The following CSNK2A2 variants were observed in gnomAD, a reference collection of about 807,000 sequenced individuals.
CSNK2A2 encodes casein kinase II subunit alpha'.
CSNK2A2 carries 8 observed loss-of-function variants against 54.0 expected under a neutral mutation model. That is an observed-to-expected ratio of 0.15 (90% CI 0.09 to 0.27). The LOEUF (loss-of-function observed/expected upper bound fraction) is 0.27, where lower values mean the gene tolerates loss of function less well. Among genes scored for constraint, CSNK2A2 ranks in the 10% least tolerant of loss-of-function variants. The probability of loss-of-function intolerance (pLI) is 1.00; values close to 1 mark genes in which losing one functional copy is unlikely to be tolerated. For synonymous variants in CSNK2A2, 141 were observed against 153.9 expected (o/e 0.92, Z 0.62); for missense variants, 242 against 439.4 (o/e 0.55, Z 4.02).
rs146749747 is a variant in CSNK2A2, at chr16:58,175,475, G to A, written c.370-965C>T. Among the ~76,000 whole-genome samples, 612 of 152,258 alleles carry A rather than the reference G, an allele frequency of 4.0e-3. 6 individuals carry two copies. The highest frequency in any genetic ancestry group is 0.014 in the African/African-American group (581 of 41,540). The stretch of plus-strand genomic sequence containing the variant: ...GAATCTCTCCAGGGAACACAGAACA[G>A]TGTATATAATGTGTCTCTGTAATAA... On this transcript the variant is annotated intron_variant, in intron 4 of 11. Coordinates refer to ENST00000262506, the MANE Select transcript of CSNK2A2 (RefSeq NM_001896.4).
intron 10 of CSNK2A2, among the ~76,000 whole-genome samples, chr16:58,165,019 G>A (rs1212299139): frequency 6.6e-6 from 1 of 152,208 alleles, no homozygotes; most frequent in Non-Finnish European, 1.5e-5. Context: ...TCAGAGGAAA[G>A]AACCATACAC....
chr16:58,168,750 C>T, intron 5 of CSNK2A2, 57 bp from the exon 6 acceptor site: 3 of 1,308,920 alleles, frequency 2.3e-6, no homozygotes, highest in Non-Finnish European at 3.3e-6. Flanking sequence ...TCCCCCAACG[C>T]AAGCATAGTC....
At chr16:58,178,146 T>C (rs1320447054) in intron 4 of CSNK2A2, among the ~76,000 whole-genome samples, 1 of 152,206 alleles carries the variant, frequency 6.6e-6, no homozygotes, top group Non-Finnish European at 1.5e-5. Context: ...TTTACCTCTA[T>C]GTGAGTGATT....
At chr16:58,196,647 G>A in intron 2 of CSNK2A2, 86 bp downstream of exon 2, 2 of 819,722 alleles carry the variant, frequency 2.4e-6, no homozygotes, top group Non-Finnish European at 4.4e-6. Flanking sequence ...AGCTTGCATT[G>A]CCCATTATAG....
At chr16:58,172,804 C>T (rs756277780) in intron 5 of CSNK2A2, among the ~76,000 whole-genome samples, 2 of 152,172 alleles carry the variant, frequency 1.3e-5, no homozygotes, top group African/African-American at 4.8e-5. Flanking sequence ...TGGGATTCTA[C>T]GTCTCATTAG....
At chr16:58,193,060 A>G (rs1962355457) in intron 2 of CSNK2A2, among the ~76,000 whole-genome samples, 1 of 152,246 alleles carries the variant, frequency 6.6e-6, no homozygotes, top group Non-Finnish European at 1.5e-5. Flanking sequence ...TACTTTAGTG[A>G]TACTGTTTGC....
chr16:58,184,382 G>T, intron 3 of CSNK2A2, 72 bp from the exon 4 acceptor site: 3 of 1,105,004 alleles, frequency 2.7e-6, no homozygotes, highest in East Asian at 2.5e-5. Flanking sequence ...TGCCAAAATG[G>T]CCCATCCCCA....
chr16:58,182,554 C>CAAAAAAAAA (rs59002536), intron 4 of CSNK2A2, among the ~76,000 whole-genome samples: 2 of 80,660 alleles, frequency 2.5e-5, no homozygotes, highest in Non-Finnish European at 5.3e-5. Flanking sequence ...GGCTCCGTCT[C>CAAAAAAAAA]AAAAAAAAAA....
intron 2 of CSNK2A2, among the ~76,000 whole-genome samples, chr16:58,194,007 T>C (rs1331783416): frequency 6.6e-6 from 1 of 152,208 alleles, no homozygotes; most frequent in African/African-American, 2.4e-5. Context: ...GCAAATTAAA[T>C]GATATAAAAT....
At chr16:58,162,324 C>G (rs1472521866) in intron 11 of CSNK2A2, 1 of 152,178 alleles carries the variant, frequency 6.6e-6, no homozygotes, top group African/African-American at 2.4e-5. Flanking sequence ...CAAATGTTTA[C>G]ATTAGTATAC....
intron 4 of CSNK2A2, among the ~76,000 whole-genome samples, chr16:58,176,672 A>G (rs545776994): frequency 2.0e-5 from 3 of 152,230 alleles, no homozygotes; most frequent in Admixed American, 1.3e-4. Flanking sequence ...TTCCCTCTCT[A>G]GCCCTACTCC....
chr16:58,191,588 C>T (rs2142449580), intron 2 of CSNK2A2, among the ~76,000 whole-genome samples: 1 of 152,222 alleles, frequency 6.6e-6, no homozygotes, highest in East Asian at 1.9e-4. Context: ...GTCTCGAACT[C>T]CTGACGTCAG....
chr16:58,165,910 A>G (rs941091317), intron 9 of CSNK2A2, among the ~76,000 whole-genome samples: 2 of 152,320 alleles, frequency 1.3e-5, no homozygotes, highest in African/African-American at 2.4e-5. Flanking sequence ...GAAAAATACA[A>G]CTAGGTAAAA....
Position 58,167,314 on chromosome 16 carries a change from G to A in CSNK2A2, c.625-6C>T. On this transcript the variant is annotated splice_region_variant and splice_polypyrimidine_tract_variant and intron_variant, in intron 7 of 11. Coordinates refer to ENST00000262506, the MANE Select transcript of CSNK2A2 (RefSeq NM_001896.4). ...TCCAAGCTATAATCATACATCTGAG[G>A]CAATAAGGACAACGCATTAGCCAAG... 6.2e-7 allele frequency: 1 copy of A among 1,602,670 alleles called. No homozygotes were observed. Among genetic ancestry groups the A allele is most frequent in the Non-Finnish European group, 8.5e-7 (1 of 1,172,438 alleles).
intron 2 of CSNK2A2, among the ~76,000 whole-genome samples, chr16:58,194,043 C>T (rs189889721): frequency 4.5e-4 from 69 of 152,272 alleles, no homozygotes; most frequent in African/African-American, 1.5e-3. Flanking sequence ...CATCATCCAC[C>T]CATTCTCACA....
At chr16:58,177,729 T>C (rs564489940) in intron 4 of CSNK2A2, among the ~76,000 whole-genome samples, 47 of 152,280 alleles carry the variant, frequency 3.1e-4, no homozygotes, top group Non-Finnish European at 4.9e-4. Context: ...TTCCCTGATA[T>C]ACACAGCTCA....
chr16:58,171,979 ATTT>A (rs746200172), intron 5 of CSNK2A2, among the ~76,000 whole-genome samples: 51 of 66,162 alleles, frequency 7.7e-4, no homozygotes, highest in African/African-American at 2.4e-3. Flanking sequence ...ATATATATAT[ATTT>A]TTTTTTTTTT....
intron 10 of CSNK2A2, among the ~76,000 whole-genome samples, chr16:58,165,076 T>A (rs1961528781): frequency 6.6e-6 from 1 of 152,216 alleles, no homozygotes; most frequent in Admixed American, 6.5e-5. Context: ...CACACACTTC[T>A]AAGTGAGCAG....
At chr16:58,196,339 G>C (rs1013760046) in intron 2 of CSNK2A2, among the ~76,000 whole-genome samples, 1 of 152,222 alleles carries the variant, frequency 6.6e-6, no homozygotes, top group East Asian at 1.9e-4. Flanking sequence ...GCTGGGCACA[G>C]TGGCTCACGC....
Sources: gnomAD v4.1 joint callset for allele counts (sites outside exome capture counted in the v4.1 genomes callset) on GRCh38, gnomAD v4.1.1 for gene constraint, MANE v1.5 for transcripts, NCBI Gene and HGNC (gene_info 2026-07-23, HGNC 2026-07-21) for gene names.